The following SUMF1 variants were observed in gnomAD, a reference collection of about 807,000 sequenced individuals.
The protein encoded by SUMF1 is sulfatase modifying factor 1, also known as formylglycine-generating enzyme.
Under a neutral mutation model 47.6 loss-of-function variants are expected in SUMF1, and 48 were observed. The observed-to-expected ratio is 1.01, with a 90% CI of 0.80 to 1.28. SUMF1 has a LOEUF of 1.28. Ranked by LOEUF, SUMF1 falls within the 50% of genes most tolerant of loss-of-function variation. SUMF1 has a pLI of 0.00. For missense variants in SUMF1, 571 were observed against 485.4 expected, an observed-to-expected ratio of 1.18 and a Z score of -1.66; for synonymous variants, 230 against 192.1, an observed-to-expected ratio of 1.20 and a Z score of -1.63.
At chr3:4,208,720 GAC>G (rs778050540) in intron 8 of SUMF1, among the ~76,000 whole-genome samples, 1 of 151,834 alleles carries the variant, frequency 6.6e-6, no homozygotes, top group Non-Finnish European at 1.5e-5. Context: ...GACTGGACGT[GAC>G]TAAGGAAAAA....
intron 7 of SUMF1, among the ~76,000 whole-genome samples, chr3:4,384,842 G>A (rs2124898406): frequency 6.6e-6 from 1 of 152,150 alleles, no homozygotes; most frequent in East Asian, 1.9e-4. Context: ...CAATGCCAAA[G>A]GAGGGAATAT....
In SUMF1 at chr3:4,230,775, C is replaced by G. The variant is rs530576026; in HGVS notation, c.1014+145555G>C. 3.3e-4 allele frequency among the ~76,000 whole-genome samples: 51 copies of G among 152,244 alleles called. No homozygotes were observed. The Middle Eastern group carries it at 0.01, about 30-fold the overall frequency. On this transcript the variant is annotated intron_variant and NMD_transcript_variant, in intron 8 of 12. Coordinates refer to the SUMF1 transcript ENST00000448413. ...TGACCAGCCCCCATTCTGAAGCTGT[C>G]TGGGGGCCTCCAGCCACCAGTCATC...
chr3:4,294,525 T>G (rs1486806672), intron 8 of SUMF1, among the ~76,000 whole-genome samples: 1 of 152,132 alleles, frequency 6.6e-6, no homozygotes. Flanking sequence ...TGAGGTACAA[T>G]GAGCCTCTGA....
At chr3:4,188,479 T>C (rs145771419) in intron 8 of SUMF1, among the ~76,000 whole-genome samples, 1 of 152,166 alleles carries the variant, frequency 6.6e-6, no homozygotes, top group Admixed American at 6.6e-5. Flanking sequence ...CAATCCATGA[T>C]GAAACGTTTT....
At chr3:4,179,752 T>A (rs75330479) in intron 8 of SUMF1, among the ~76,000 whole-genome samples, 52,422 of 151,952 alleles carry the variant, frequency 0.34, 9,202 homozygotes, top group East Asian at 0.4. Context: ...CAGCGTGAAC[T>A]GGCAACCTAC....
intron 8 of SUMF1, among the ~76,000 whole-genome samples, chr3:4,278,623 A>G (rs1027778779): frequency 1.4e-4 from 21 of 152,090 alleles, no homozygotes; most frequent in African/African-American, 5.1e-4. Flanking sequence ...GACAACAGAA[A>G]CCGTTTAGAC....
intron 8 of SUMF1, among the ~76,000 whole-genome samples, chr3:4,325,710 G>C (rs1045723715): frequency 1.3e-5 from 2 of 152,080 alleles, no homozygotes; most frequent in Non-Finnish European, 2.9e-5. Flanking sequence ...GGAAAGCACA[G>C]TTTTAGTTTC....
intron 9 of SUMF1, among the ~76,000 whole-genome samples, chr3:4,063,903 AAAT>A (rs1266830678): frequency 8.5e-5 from 13 of 152,172 alleles, no homozygotes; most frequent in Non-Finnish European, 1.5e-5. Context: ...GGTAGCTTAG[AAAT>A]AATAACACCT....
chr3:4,253,946 T>C (rs981879759), intron 8 of SUMF1, among the ~76,000 whole-genome samples: 1 of 150,208 alleles, frequency 6.7e-6, no homozygotes, highest in Non-Finnish European at 1.5e-5. Flanking sequence ...CTCAAGTGGG[T>C]CCCTGACCCC....
chr3:4,105,961 G>A (rs1444982012), intron 8 of SUMF1, among the ~76,000 whole-genome samples: 1 of 151,910 alleles, frequency 6.6e-6, no homozygotes, highest in Non-Finnish European at 1.5e-5. Context: ...TCAAAATTAT[G>A]TTTTGAAGAT....
At chr3:4,275,851 G>A (rs1324898091) in intron 8 of SUMF1, among the ~76,000 whole-genome samples, 3 of 152,198 alleles carry the variant, frequency 2.0e-5, no homozygotes, top group Admixed American at 1.3e-4. Context: ...AGAACTAGCA[G>A]AAGCACGAGC....
chr3:4,360,165 T>C (rs1027428042), downstream of SUMF1, among the ~76,000 whole-genome samples: 3 of 150,956 alleles, frequency 2.0e-5, no homozygotes, highest in African/African-American at 7.3e-5. Context: ...AAATAAAATC[T>C]CTTATTTCCT....
downstream of SUMF1, among the ~76,000 whole-genome samples, chr3:4,359,500 CCG>C (rs1455947795): frequency 6.6e-6 from 1 of 152,116 alleles, no homozygotes; most frequent in African/African-American, 2.4e-5. Context: ...TGTTATAACT[CCG>C]TGTTCACACT....
chr3:4,351,880 C>T (rs776011903), intron 8 of SUMF1, among the ~76,000 whole-genome samples: 4 of 152,188 alleles, frequency 2.6e-5, no homozygotes, highest in Non-Finnish European at 5.9e-5. Flanking sequence ...TTTAACCCTC[C>T]TGCCTTGATT....
At chr3:4,229,623 T>G (rs1365865381) in intron 8 of SUMF1, among the ~76,000 whole-genome samples, 2 of 152,184 alleles carry the variant, frequency 1.3e-5, no homozygotes, top group South Asian at 2.1e-4. Flanking sequence ...CCAATTATTA[T>G]GGGCCATATC....
rs769349880 is a variant in SUMF1 at position 4,417,151 on chromosome 3, C to T, written c.817G>A (p.Asp273Asn). 30 of 1,613,812 alleles carry T rather than the reference C, an allele frequency of 1.9e-5. No individual in the cohort carries two copies. Among genetic ancestry groups the T allele is most frequent in the Non-Finnish European group, 1.8e-5 (21 of 1,179,886 alleles). Residue 273 changes from aspartate to asparagine, a missense_variant, in exon 6 of 9, where the codon GAT (aspartate) becomes AAT (asparagine). Coordinates refer to ENST00000272902, the MANE Select transcript of SUMF1 (RefSeq NM_182760.4). ...ACAGGCGCAGTTCCTTGGAAGCCAT[C>T]CTCACCAGTGTTGGTCACCGGAAAC... ...GEFPVTNTGE[D>N]GFQGTAPVDA...
chr3:4,275,173 C>G (rs1697386237), intron 8 of SUMF1, among the ~76,000 whole-genome samples: 1 of 152,040 alleles, frequency 6.6e-6, no homozygotes, highest in Admixed American at 6.6e-5. Context: ...TAGAAAAAGA[C>G]CTGATCGTGG....
chr3:4,399,399 T>C (rs115581127), intron 7 of SUMF1, among the ~76,000 whole-genome samples: 249 of 152,218 alleles, frequency 1.6e-3, no homozygotes, highest in African/African-American at 5.8e-3. Context: ...CCCCAAACCA[T>C]TTGTGATGAC....
chr3:4,063,442 C>G (rs1213110889), intron 9 of SUMF1, among the ~76,000 whole-genome samples: 1 of 152,048 alleles, frequency 6.6e-6, no homozygotes, highest in Non-Finnish European at 1.5e-5. Context: ...AATGCTAAAA[C>G]CCCACCCCAA....
Sources: allele counts gnomAD v4.1 joint callset (sites outside exome capture counted in the v4.1 genomes callset), GRCh38; gene constraint gnomAD v4.1.1; transcripts MANE v1.5; gene names NCBI Gene and HGNC (gene_info 2026-07-23, HGNC 2026-07-21).